SLC26A8: variants seen among roughly 807,000 people sequenced by gnomAD.
SLC26A8 encodes the protein testis anion transporter 1.
In SLC26A8, 70 loss-of-function variants were observed where a neutral mutation model predicts 105.0. The ratio of observed to expected loss-of-function variants is 0.67; its 90% CI spans 0.55 to 0.81. The LOEUF (loss-of-function observed/expected upper bound fraction) is 0.81. Among genes scored for constraint, SLC26A8 ranks in the 40% least tolerant of loss-of-function variants. The probability of loss-of-function intolerance (pLI) is 0.00; values close to 1 mark genes in which losing one functional copy is unlikely to be tolerated. For missense variants in SLC26A8, 998 were observed against 1,181.8 expected, an observed-to-expected ratio of 0.84 and a Z score of 2.28; for synonymous variants, 415 against 438.3, an observed-to-expected ratio of 0.95 and a Z score of 0.66.
intron 3 of SLC26A8, among the ~76,000 whole-genome samples, chr6:36,002,712 T>TC (rs1761559305): frequency 3.5e-5 from 1 of 28,710 alleles, no homozygotes; most frequent in Non-Finnish European, 9.7e-5. Context: ...CTTTTCAATC[T>TC]TTTTTTTTTT....
rs1761769883 is a variant in SLC26A8 at position 36,008,995 on chromosome 6, A to G, written c.328+3238T>C. Among the ~76,000 whole-genome samples the G allele has an allele frequency of 2.6e-5, 4 of 152,228 alleles. No individual in the cohort carries two copies. The South Asian group carries it at 8.3e-4, about 31-fold the overall frequency. ...GCAACAGGCAACTCCTATATACTCC[A>G]GCAATGTACTACACTCCTAAGCATT... On this transcript the variant is annotated intron_variant, in intron 3 of 19. Transcript: ENST00000490799.
At chr6:35,977,823 G>C (rs1476596692) in intron 8 of SLC26A8, among the ~76,000 whole-genome samples, 1 of 152,110 alleles carries the variant, frequency 6.6e-6, no homozygotes, top group Admixed American at 6.5e-5. Flanking sequence ...GGTGGCTCAC[G>C]CCTGCAATCC....
intron 3 of SLC26A8, among the ~76,000 whole-genome samples, chr6:36,010,877 G>GA (rs958731304): frequency 3.3e-5 from 5 of 151,742 alleles, no homozygotes; most frequent in Non-Finnish European, 7.4e-5. Context: ...ACCAAAAGGG[G>GA]AAAAAAAGCG....
In SLC26A8 at chr6:35,972,292, C is replaced by T. The variant is rs138830913; in HGVS notation, c.1287+3083G>A. ...GAATCAAGAGCCCCCAGCGGGTTGG[C>T]GCACGGTGGCTCATGCCTGGAATCC... On this transcript the variant is annotated intron_variant, in intron 10 of 19. Transcript: ENST00000490799. Among the ~76,000 whole-genome samples, 6 of 151,792 alleles carry T rather than the reference C, an allele frequency of 4.0e-5. No individual in the cohort carries two copies. The East Asian group carries it at 1.2e-3, about 29-fold the overall frequency.
In SLC26A8 at chr6:36,019,651, G is replaced by A. The variant is rs1434807600; in HGVS notation, c.57C>T (p.Asn19=). The A allele has an allele frequency of 6.2e-7, 1 of 1,614,138 alleles. No homozygotes were observed. The highest frequency in any genetic ancestry group is 8.5e-7 in the Non-Finnish European group (1 of 1,180,016). ...CACGCTTAACATCATATGCGAATGA[G>A]TTTCGCCTGGACTTAGAGCTGAAGC... is the stretch of plus-strand genomic sequence containing the variant. The part of the protein sequence containing the change: ...ISGFSSKSRR[N]SFAYDVKREV... The change falls in exon 2 of 20, where the codon AAC becomes AAT. Residue 19 remains asparagine, a synonymous_variant. Transcript: ENST00000490799.
At chr6:35,976,550 CTTTTTTTTTT>C (rs371327114) in intron 9 of SLC26A8, among the ~76,000 whole-genome samples, 1 of 130,182 alleles carries the variant, frequency 7.7e-6, no homozygotes, top group African/African-American at 3.0e-5. Flanking sequence ...GAAGCCCTCG[CTTTTTTTTTT>C]TTTTTTTTGA....
At chr6:35,989,678 T>TAGGG (rs1441652285) in intron 7 of SLC26A8, 1 of 152,176 alleles carries the variant, frequency 6.6e-6, no homozygotes, top group Non-Finnish European at 1.5e-5. Context: ...AAGTCATCTG[T>TAGGG]AGGGACCTTA....
chr6:35,959,831 G>C, intron 14 of SLC26A8, 25 bp from the exon 15 acceptor site: 1 of 1,545,406 alleles, frequency 6.5e-7, no homozygotes, highest in Non-Finnish European at 8.9e-7. Flanking sequence ...GTGAAGTTGA[G>C]GGAAATTTCT....
chr6:35,957,525 C>T (rs1772123917), intron 16 of SLC26A8, among the ~76,000 whole-genome samples: 1 of 151,096 alleles, frequency 6.6e-6, no homozygotes, highest in Non-Finnish European at 1.5e-5. Context: ...TGGGGCCAGG[C>T]ATTTGGGGAA....
At chr6:36,003,216 C>T (rs984570502) in intron 3 of SLC26A8, among the ~76,000 whole-genome samples, 3 of 152,060 alleles carry the variant, frequency 2.0e-5, no homozygotes, top group Non-Finnish European at 4.4e-5. Context: ...TTTAATCAAC[C>T]AGGAATAGAT....
intron 17 of SLC26A8, among the ~76,000 whole-genome samples, chr6:35,952,332 C>G (rs1246015640): frequency 6.6e-6 from 1 of 152,118 alleles, no homozygotes; most frequent in Non-Finnish European, 1.5e-5. Context: ...ACATTCAGAG[C>G]TGCCTTGCAA....
chr6:35,975,871 C>A (rs1233669007), intron 9 of SLC26A8, among the ~76,000 whole-genome samples: 3 of 145,772 alleles, frequency 2.1e-5, no homozygotes, highest in African/African-American at 7.7e-5. Context: ...CGAGATTGCA[C>A]CATTGCACTC....
Position 35,994,772 on chromosome 6 carries a change from TCG to T in SLC26A8, c.628-2100_628-2099del, listed in dbSNP as rs962809274. On this transcript the variant is annotated intron_variant, in intron 5 of 19. Transcript: ENST00000490799. ...TGTATTTTTAAGTAGAGACAGGGTT[TCG>T]CCAAGTTGGCCAGGCTGGTCTTGAA... Among the ~76,000 whole-genome samples, 7 of 152,300 alleles carry T rather than the reference TCG, an allele frequency of 4.6e-5. No homozygotes were observed. The South Asian group carries it at 1.0e-3, about 23-fold the overall frequency.
intron 2 of SLC26A8, among the ~76,000 whole-genome samples, chr6:36,013,026 G>A (rs1398018523): frequency 3.3e-5 from 5 of 152,146 alleles, no homozygotes; most frequent in Non-Finnish European, 5.9e-5. Flanking sequence ...GTCTGGCCTT[G>A]ACCTGTGACA....
rs948538206 is a variant in SLC26A8 at position 35,990,373 on chromosome 6, T to C, written c.942+1286A>G. ...TTCAAATCTTCCAATTGTTTCTCCA[T>C]GAACATCATATGTTCCCTTTGTGAA... On this transcript the variant is annotated intron_variant, in intron 7 of 19. Transcript: ENST00000490799. The C allele has an allele frequency of 3.7e-5, 9 of 244,902 alleles. No individual in the cohort carries two copies. The East Asian group carries it at 1.3e-3, about 35-fold the overall frequency. 15.2% of individuals were successfully genotyped at this position (244,902 alleles called of 1,614,324 possible). A position where few individuals can be genotyped will look rare whatever the true frequency, so the allele number is the denominator to read the frequency against.
intron 17 of SLC26A8, among the ~76,000 whole-genome samples, chr6:35,952,163 T>C (rs1771901181): frequency 6.6e-6 from 1 of 152,166 alleles, no homozygotes; most frequent in Non-Finnish European, 1.5e-5. Flanking sequence ...GCAAACACTC[T>C]GGAGAATCAT....
intron 8 of SLC26A8, among the ~76,000 whole-genome samples, chr6:35,980,716 A>G (rs1216581713): frequency 1.3e-5 from 2 of 152,154 alleles, no homozygotes; most frequent in Non-Finnish European, 2.9e-5. Context: ...GATTGTGTCA[A>G]AATAGCCTAC....
chr6:35,960,957 T>C, intron 13 of SLC26A8, 36 bp downstream of exon 13: 1 of 1,613,978 alleles, frequency 6.2e-7, no homozygotes, highest in Non-Finnish European at 8.5e-7. Flanking sequence ...TGGCTTACCT[T>C]GCCTTGTTAA....
chr6:35,949,908 C>G (rs148600629), intron 19 of SLC26A8, among the ~76,000 whole-genome samples: 9,733 of 151,622 alleles, frequency 0.064, 923 homozygotes, highest in African/African-American at 0.21. Context: ...TGGGTTCAAG[C>G]GATTCTCCTG....
Sources: gnomAD v4.1 joint callset for allele counts (sites outside exome capture counted in the v4.1 genomes callset) on GRCh38, gnomAD v4.1.1 for gene constraint, MANE v1.5 for transcripts, NCBI Gene and HGNC (gene_info 2026-07-23, HGNC 2026-07-21) for gene names.